Variants in CNTNAP2 observed in about 807,000 individuals in gnomAD.
CNTNAP2 encodes the protein contactin-associated protein-like 2.
A neutral mutation model predicts 155.2 loss-of-function variants in CNTNAP2; 98 were observed. That is an observed-to-expected ratio of 0.63 (90% CI 0.54 to 0.75). CNTNAP2 has a LOEUF of 0.75. Among genes scored for constraint, CNTNAP2 ranks in the 30% least tolerant of loss-of-function variants. CNTNAP2 has a pLI of 0.00. For missense variants in CNTNAP2, 1,727 were observed against 1,688.1 expected, an observed-to-expected ratio of 1.02 and a Z score of -0.40; for synonymous variants, 651 against 631.2, an observed-to-expected ratio of 1.03 and a Z score of -0.47.
rs188627495 is a variant in CNTNAP2 at position 147,357,401 on chromosome 7, C to T, written c.1499-38208C>T. On this transcript the variant is annotated intron_variant, in intron 9 of 23. Transcript: ENST00000361727. Reference sequence around the variant, plus strand: ...GAGCTCGGCTTCAGGAAGCATTTTCCTTACTTAATAGAAGCTGTTGCTCCT... The same window carrying T: ...GAGCTCGGCTTCAGGAAGCATTTTCTTTACTTAATAGAAGCTGTTGCTCCT... Among the ~76,000 whole-genome samples, 13 of 152,154 alleles carry T rather than the reference C, an allele frequency of 8.5e-5. No homozygotes were observed. In the East Asian group the frequency reaches 2.3e-3, roughly 27 times the overall value.
intron 1 of CNTNAP2, among the ~76,000 whole-genome samples, chr7:146,453,719 A>G (rs1796514698): frequency 6.6e-6 from 1 of 152,068 alleles, no homozygotes; most frequent in Admixed American, 6.6e-5. Context: ...CATGAAAATT[A>G]GAGGTACAGA....
intron 3 of CNTNAP2, among the ~76,000 whole-genome samples, chr7:146,982,167 T>C (rs1246506318): frequency 2.0e-5 from 3 of 152,144 alleles, no homozygotes; most frequent in Admixed American, 6.6e-5. Context: ...TAACCCCTGG[T>C]ATATAGAGCC....
At position 146,716,264 on chromosome 7, in the gene CNTNAP2, G is replaced by A. The variant is rs1801186466; in HGVS notation, c.98-58007G>A. On this transcript the variant is annotated intron_variant, in intron 1 of 23. Transcript: ENST00000361727. ...TTTTGGGGTCCTGGCTGTGCTGTAA[G>A]CAGGACAAATTCTTAGGATTTCTGG... Among the ~76,000 whole-genome samples the A allele has an allele frequency of 4.0e-5, 6 of 149,252 alleles. No homozygotes were observed. In the South Asian group the frequency reaches 1.3e-3, roughly 32 times the overall value.
intron 1 of CNTNAP2, among the ~76,000 whole-genome samples, chr7:146,400,401 C>G (rs1795697223): frequency 6.6e-6 from 1 of 152,144 alleles, no homozygotes; most frequent in Admixed American, 6.5e-5. Context: ...AGTAACTAGA[C>G]AGGCATGAGG....
At chr7:146,972,880 C>T (rs749742202) in intron 3 of CNTNAP2, among the ~76,000 whole-genome samples, 2 of 152,166 alleles carry the variant, frequency 1.3e-5, no homozygotes, top group Non-Finnish European at 2.9e-5. Context: ...ACTAACACAC[C>T]TCAGTCAGAG....
At chr7:148,010,014 G>A (rs1263680113) in intron 15 of CNTNAP2, among the ~76,000 whole-genome samples, 1 of 151,960 alleles carries the variant, frequency 6.6e-6, no homozygotes, top group Non-Finnish European at 1.5e-5. Flanking sequence ...TTTCCAAATT[G>A]TTTTCCCAAT....
At chr7:146,678,021 A>C (rs913752979) in intron 1 of CNTNAP2, among the ~76,000 whole-genome samples, 2 of 152,044 alleles carry the variant, frequency 1.3e-5, no homozygotes, top group Non-Finnish European at 2.9e-5. Flanking sequence ...TGACTATAGA[A>C]ATGCTTATAA....
At chr7:148,217,107 G>A (rs1046115320) in intron 18 of CNTNAP2, among the ~76,000 whole-genome samples, 181 bp from the exon 19 acceptor site, 12 of 141,194 alleles carry the variant, frequency 8.5e-5, no homozygotes, top group Non-Finnish European at 3.0e-5. Flanking sequence ...CCTGTTACAT[G>A]CTTTTTTTTT....
intron 17 of CNTNAP2, among the ~76,000 whole-genome samples, chr7:148,154,597 T>C (rs1805365054): frequency 6.6e-6 from 1 of 152,136 alleles, no homozygotes; most frequent in South Asian, 2.1e-4. Flanking sequence ...AATCTATGTA[T>C]GAATAAAATG....
chr7:147,313,209 G>C (rs1795158104), intron 9 of CNTNAP2, among the ~76,000 whole-genome samples: 1 of 152,160 alleles, frequency 6.6e-6, no homozygotes, highest in African/African-American at 2.4e-5. Context: ...CCACTTTGTA[G>C]GTTCCCATCC....
At chr7:147,581,460 G>T (rs1327356850) in intron 12 of CNTNAP2, among the ~76,000 whole-genome samples, 2 of 152,140 alleles carry the variant, frequency 1.3e-5, no homozygotes, top group East Asian at 3.9e-4. Context: ...GCTCCACATT[G>T]CTTTGGACAA....
chr7:146,682,562 A>T (rs1800523389), intron 1 of CNTNAP2, among the ~76,000 whole-genome samples: 1 of 152,144 alleles, frequency 6.6e-6, no homozygotes, highest in Admixed American at 6.5e-5. Context: ...TATCACTGGG[A>T]GAAAATGCAA....
chr7:147,164,746 G>A (rs996794648), intron 8 of CNTNAP2, among the ~76,000 whole-genome samples: 16 of 152,062 alleles, frequency 1.1e-4, no homozygotes, highest in African/African-American at 2.4e-4. Context: ...CTAAATATGC[G>A]CTTTTCAAAT....
Position 147,853,833 on chromosome 7 carries a change from T to TA in CNTNAP2, c.2099-49730dup, listed in dbSNP as rs201187044. On this transcript the variant is annotated intron_variant, in intron 13 of 23. Coordinates refer to ENST00000361727, the MANE Select transcript of CNTNAP2 (RefSeq NM_014141.6). The stretch of plus-strand genomic sequence containing the variant: ...CATTTGCTTATATAAAGTGCTTTGT[T>TA]AAGACTCAAAACATTTTTAAGCATG... 9.5e-3 allele frequency among the ~76,000 whole-genome samples: 1,443 copies of TA among 152,342 alleles called. 10 individuals are homozygous for TA. The highest frequency in any genetic ancestry group is 0.031 in the Middle Eastern group (9 of 294).
At chr7:147,991,626 A>T (rs928029938) in intron 15 of CNTNAP2, among the ~76,000 whole-genome samples, 3 of 152,154 alleles carry the variant, frequency 2.0e-5, no homozygotes, top group Non-Finnish European at 2.9e-5. Flanking sequence ...TTCTTTGGCA[A>T]TTCTAAATTA....
chr7:147,112,925 C>T (rs1320262054), intron 5 of CNTNAP2, among the ~76,000 whole-genome samples: 3 of 152,014 alleles, frequency 2.0e-5, no homozygotes, highest in African/African-American at 7.3e-5. Context: ...AGGAGTCCTT[C>T]CTTTTCAGGT....
intron 1 of CNTNAP2, among the ~76,000 whole-genome samples, chr7:146,389,053 C>CA (rs1208475784): frequency 1.3e-5 from 2 of 151,978 alleles, no homozygotes; most frequent in African/African-American, 4.8e-5. Flanking sequence ...CAAAACAAAA[C>CA]AAAAAAACTA....
At chr7:147,960,382 A>G (rs1027841716) in intron 14 of CNTNAP2, among the ~76,000 whole-genome samples, 2 of 152,210 alleles carry the variant, frequency 1.3e-5, no homozygotes, top group African/African-American at 4.8e-5. Context: ...AAGGAACTCA[A>G]TAAATGGTGA....
intron 4 of CNTNAP2, among the ~76,000 whole-genome samples, chr7:147,048,521 C>T (rs1799411550): frequency 6.6e-6 from 1 of 152,102 alleles, no homozygotes; most frequent in Non-Finnish European, 1.5e-5. Context: ...CAACATGAAA[C>T]TAATACAAGA....
Sources: allele counts gnomAD v4.1 joint callset (sites outside exome capture counted in the v4.1 genomes callset), GRCh38; gene constraint gnomAD v4.1.1; transcripts MANE v1.5; gene names NCBI Gene and HGNC (gene_info 2026-07-23, HGNC 2026-07-21).